The following DIRAS2 variants were observed in gnomAD, a reference collection of about 807,000 sequenced individuals.
The protein encoded by DIRAS2 is GTP-binding protein Di-Ras2.
Under a neutral mutation model 13.9 loss-of-function variants are expected in DIRAS2, and 5 were observed. The ratio of observed to expected loss-of-function variants is 0.36; its 90% confidence interval spans 0.19 to 0.76. The LOEUF (loss-of-function observed/expected upper bound fraction) is 0.76. DIRAS2 is among the 30% of genes least tolerant of loss of function. The probability of loss-of-function intolerance (pLI) is 0.53; values close to 1 mark genes in which losing one functional copy is unlikely to be tolerated. For synonymous variants in DIRAS2, 111 were observed against 105.4 expected, an observed-to-expected ratio of 1.05 and a Z score of -0.33; for missense variants, 191 against 263.0, an observed-to-expected ratio of 0.73 and a Z score of 1.89.
At chr9:90,631,702 T>C (rs1376322655) in intron 1 of DIRAS2, among the ~76,000 whole-genome samples, 1 of 152,226 alleles carries the variant, frequency 6.6e-6, no homozygotes, top group Non-Finnish European at 1.5e-5. Context: ...TGAGATGCCA[T>C]ATCATTCATA....
At chr9:90,625,307 A>G (rs1825258264) in intron 1 of DIRAS2, among the ~76,000 whole-genome samples, 1 of 152,168 alleles carries the variant, frequency 6.6e-6, no homozygotes, top group Admixed American at 6.5e-5. Context: ...AGTTTACAAA[A>G]CTGGCAAGGT....
At position 90,613,915 on chromosome 9, in the gene DIRAS2, A is replaced by G; in HGVS notation, c.-36-52T>C. 6.9e-7 allele frequency: 1 copy of G among 1,450,686 alleles called. No individual in the cohort carries two copies. Among genetic ancestry groups the G allele is most frequent in the East Asian group, 2.5e-5 (1 of 40,454 alleles). 89.9% of individuals were successfully genotyped at this position (1,450,686 alleles called of 1,614,324 possible). On this transcript the variant is annotated intron_variant, in intron 1 of 1. Coordinates refer to ENST00000375765, the MANE Select transcript of DIRAS2 (RefSeq NM_017594.5). This position sits in a 1 kb window ranked among gnomAD's most constrained non-coding sequence, Gnocchi z 5.6. ...GAATTAATAATTAAAATATAAAAAC[A>G]TTAATAAGGATAGCTCTACCCTCTT...
chr9:90,623,461 A>G (rs1825238465), intron 1 of DIRAS2, among the ~76,000 whole-genome samples: 1 of 148,928 alleles, frequency 6.7e-6, no homozygotes, highest in African/African-American at 2.5e-5. Flanking sequence ...AGAGGAAGGA[A>G]AGGATTAAGA....
chr9:90,626,359 C>G (rs952640527), intron 1 of DIRAS2, among the ~76,000 whole-genome samples: 1 of 151,184 alleles, frequency 6.6e-6, no homozygotes, highest in African/African-American at 2.4e-5. Flanking sequence ...ATAGTCCAAA[C>G]TACCAGAGAG....
At chr9:90,637,734 A>C (rs1387668441) in intron 1 of DIRAS2, among the ~76,000 whole-genome samples, 1 of 152,202 alleles carries the variant, frequency 6.6e-6, no homozygotes, top group Non-Finnish European at 1.5e-5. Flanking sequence ...AGTAGTTTGC[A>C]GGGATGGTAT....
chr9:90,613,049 G>A lies in DIRAS2; in HGVS notation c.*179C>T. The A allele has an allele frequency of 1.2e-6, 1 of 813,350 alleles. No individual in the cohort carries two copies. The highest frequency in any genetic ancestry group is 1.9e-5 in the South Asian group (1 of 53,738). The allele number at this position is 813,350 out of a possible 1,614,324, so 50.4% of individuals were successfully genotyped here. A position where few individuals can be genotyped will look rare whatever the true frequency, so the allele number is the denominator to read the frequency against. ...CCGCCTGGCAGATTCTGTGACTCCA[G>A]AGTGGGTGGCTTACTGTTGGTGGTG... On this transcript the variant is annotated 3_prime_UTR_variant, in exon 2 of 2. Transcript: ENST00000375765. This position sits in a 1 kb window ranked among gnomAD's most constrained non-coding sequence, Gnocchi z 5.6.
chr9:90,636,798 T>A (rs1050633765), intron 1 of DIRAS2, among the ~76,000 whole-genome samples: 11 of 152,210 alleles, frequency 7.2e-5, no homozygotes, highest in African/African-American at 2.7e-4. Flanking sequence ...GTATACACAG[T>A]GTTTCATGTA....
At chr9:90,633,467 G>A (rs1825344993) in intron 1 of DIRAS2, among the ~76,000 whole-genome samples, 1 of 152,208 alleles carries the variant, frequency 6.6e-6, no homozygotes, top group Non-Finnish European at 1.5e-5. Context: ...AGCCCTCCAA[G>A]TGCCTTTGGG....
At chr9:90,628,845 C>A (rs1397806541) in intron 1 of DIRAS2, among the ~76,000 whole-genome samples, 2 of 150,402 alleles carry the variant, frequency 1.3e-5, no homozygotes, top group East Asian at 3.9e-4. Flanking sequence ...CCTTGCCCAG[C>A]CTAAAAATAT....
At chr9:90,621,309 A>G (rs943684739) in intron 1 of DIRAS2, among the ~76,000 whole-genome samples, 5 of 152,192 alleles carry the variant, frequency 3.3e-5, no homozygotes, top group African/African-American at 1.2e-4. Flanking sequence ...AAGATTCTGT[A>G]TAGATCTGGT....
intron 1 of DIRAS2, among the ~76,000 whole-genome samples, chr9:90,615,277 T>G (rs371707909): frequency 1.4e-4 from 21 of 152,248 alleles, no homozygotes; most frequent in African/African-American, 5.1e-4. Flanking sequence ...CTTCTCATTT[T>G]GCCTCATGCG....
chr9:90,628,886 G>A (rs1053829540), intron 1 of DIRAS2, among the ~76,000 whole-genome samples: 1 of 148,436 alleles, frequency 6.7e-6, no homozygotes, highest in African/African-American at 2.5e-5. Context: ...ACGGAGTCTC[G>A]TTCTGTCGCC....
intron 1 of DIRAS2, among the ~76,000 whole-genome samples, chr9:90,620,204 A>G (rs1825207318): frequency 6.6e-6 from 1 of 152,196 alleles, no homozygotes; most frequent in African/African-American, 2.4e-5. Context: ...TAAAGCTTTT[A>G]CTTAAAAACA....
chr9:90,625,069 G>T (rs1825255658), intron 1 of DIRAS2, among the ~76,000 whole-genome samples: 1 of 152,212 alleles, frequency 6.6e-6, no homozygotes, highest in Non-Finnish European at 1.5e-5. Context: ...TCAAGGGACT[G>T]GTGACCAATG....
intron 1 of DIRAS2, among the ~76,000 whole-genome samples, chr9:90,620,908 C>T (rs1204711929): frequency 6.6e-6 from 1 of 152,088 alleles, no homozygotes; most frequent in African/African-American, 2.4e-5. Flanking sequence ...TGACCATTAT[C>T]TAGATTATCC....
chr9:90,613,590 G>A lies in DIRAS2; in HGVS notation c.238C>T (p.His80Tyr). The A allele has an allele frequency of 6.2e-7, 1 of 1,614,192 alleles. No individual in the cohort carries two copies. The highest frequency in any genetic ancestry group is 8.5e-7 in the Non-Finnish European group (1 of 1,180,044). Residue 80 changes from histidine (H) to tyrosine (Y), a missense_variant, in exon 2 of 2, where the codon CAC (histidine) becomes TAC (tyrosine). Transcript: ENST00000375765. The surrounding 1 kb of genome is among the most constrained non-coding windows in gnomAD (Gnocchi z 5.6). ...AMQRLSISKG[H>Y]AFILVYSITS... ...ATGGAGTACACCAGGATGAAGGCGT[G>A]CCCTTTGGAGATGGACAGCCGCTGC...
At chr9:90,616,066 A>T (rs1415133718) in intron 1 of DIRAS2, among the ~76,000 whole-genome samples, 3 of 152,230 alleles carry the variant, frequency 2.0e-5, no homozygotes, top group Non-Finnish European at 4.4e-5. Context: ...AAGAGAACAT[A>T]TCTTAACAAG....
In DIRAS2 at chr9:90,636,281, A is replaced by C. The variant is rs531528684; in HGVS notation, c.-37+6471T>G. ...TCTCCATCTCCTGACCTCGTGATCCACCCGCCTTGGCCTCCCAAAGTGCTG... is the reference window on the plus strand; with the variant it reads ...TCTCCATCTCCTGACCTCGTGATCCCCCCGCCTTGGCCTCCCAAAGTGCTG... On this transcript the variant is annotated intron_variant, in intron 1 of 1. Transcript: ENST00000375765. Among the ~76,000 whole-genome samples the C allele has an allele frequency of 3.2e-4, 48 of 151,620 alleles. No homozygotes were observed. In the South Asian group the frequency reaches 0.01, roughly 32 times the overall value.
intron 1 of DIRAS2, among the ~76,000 whole-genome samples, chr9:90,630,360 C>T (rs1004786135): frequency 7.2e-5 from 11 of 152,114 alleles, no homozygotes; most frequent in African/African-American, 9.7e-5. Context: ...AGGTTGGCAA[C>T]GGCAATTGAA....
Sources: allele counts gnomAD v4.1 joint callset (sites outside exome capture counted in the v4.1 genomes callset), GRCh38; gene constraint gnomAD v4.1.1; non-coding constraint Gnocchi (gnomAD v3.1); transcripts MANE v1.5; gene names NCBI Gene and HGNC (gene_info 2026-07-23, HGNC 2026-07-21).